Variants in AMER3 observed in about 807,000 individuals in gnomAD.
The protein encoded by AMER3 is APC membrane recruitment protein 3, also known as family with sequence similarity 123C.
For missense variants in AMER3, 1,201 were observed against 1,139.4 expected (o/e 1.05, Z -0.78); for synonymous variants, 541 against 485.5 (o/e 1.11, Z -1.50).
chr2:130,758,027 A>G (rs1347310672), intron 1 of AMER3, among the ~76,000 whole-genome samples: 1 of 152,112 alleles, frequency 6.6e-6, no homozygotes, highest in Non-Finnish European at 1.5e-5. Flanking sequence ...CCAGCTACTC[A>G]GGAGGCTGAG....
intron 1 of AMER3, among the ~76,000 whole-genome samples, chr2:130,757,203 G>A (rs2104771275): frequency 6.6e-6 from 1 of 152,296 alleles, no homozygotes; most frequent in African/African-American, 2.4e-5. Context: ...GAAAAAGCTG[G>A]GCAGCTAAGC....
Position 130,764,649 on chromosome 2 carries a change from C to G in AMER3, c.2577C>G (p.Pro859=). The G allele has an allele frequency of 6.2e-7, 1 of 1,603,762 alleles. No individual in the cohort carries two copies. The highest frequency in any genetic ancestry group is 8.5e-7 in the Non-Finnish European group (1 of 1,176,804). The change falls in exon 2 of 2, where the codon CCC becomes CCG. Residue 859 remains proline, a synonymous_variant. Transcript: ENST00000321420. ...VGASGPAMAE[P]HL is the part of the protein sequence containing the mutation. ...CCTCTGGGCCAGCCATGGCTGAGCC[C>G]CATCTGTAGGACAGGCTCACATGCA...
chr2:130,760,844 C>T (rs1678755288), intron 1 of AMER3, among the ~76,000 whole-genome samples: 1 of 152,148 alleles, frequency 6.6e-6, no homozygotes, highest in Non-Finnish European at 1.5e-5. Context: ...TTCACCTTGG[C>T]TCAGCTCCCT....
Position 130,765,842 on chromosome 2 carries a change from G to A in AMER3, c.*1184G>A, listed in dbSNP as rs149011844. On this transcript the variant is annotated 3_prime_UTR_variant, in exon 2 of 2. Coordinates refer to ENST00000321420, the MANE Select transcript of AMER3 (RefSeq NM_152698.3). The stretch of plus-strand genomic sequence containing the variant: ...ATTGAGGGTGGATCTTCCACACCTA[G>A]GCCCCTCAGATTCACACACTAATCT... 6.0e-3 allele frequency: 1,000 copies of A among 167,084 alleles called. 14 individuals carry two copies. The highest frequency in any genetic ancestry group is 0.023 in the African/African-American group (953 of 41,516). 10.4% of individuals were successfully genotyped at this position (167,084 alleles called of 1,614,324 possible). A position where few individuals can be genotyped will look rare whatever the true frequency, so the allele number is the denominator to read the frequency against.
intron 1 of AMER3, among the ~76,000 whole-genome samples, chr2:130,757,285 G>A (rs1678641484): frequency 6.6e-6 from 1 of 152,232 alleles, no homozygotes; most frequent in Admixed American, 6.5e-5. Flanking sequence ...ATCCATGTCT[G>A]TGTGTGCCGT....
At position 130,764,824 on chromosome 2, in the gene AMER3, T is replaced by C. The variant is rs1394238533; in HGVS notation, c.*166T>C. On this transcript the variant is annotated 3_prime_UTR_variant, in exon 2 of 2. Coordinates refer to ENST00000321420, the MANE Select transcript of AMER3 (RefSeq NM_152698.3). ...GTAGCATGTTCATGTGGAGGCATCC[T>C]TGCCTGAACCCACCAGCTCAGGCAG... is the stretch of plus-strand genomic sequence containing the variant. 1.1e-6 allele frequency: 1 copy of C among 897,772 alleles called. No individual in the cohort carries two copies. Among genetic ancestry groups the C allele is most frequent in the African/African-American group, 1.7e-5 (1 of 59,100 alleles). The allele number at this position is 897,772 out of a possible 1,614,324, so 55.6% of individuals were successfully genotyped here.
In AMER3 at chr2:130,763,951, TC is replaced by T; in HGVS notation, c.1881del (p.Gly628ValfsTer56). On this transcript the variant is annotated frameshift_variant, in exon 2 of 2. Transcript: ENST00000321420. LOFTEE classifies it low-confidence loss of function (END_TRUNC). The part of the protein sequence containing the change: ...ESAATSTTDT[S>X]GKNKAPVPST... Reference sequence around the variant, plus strand: ...TGCAGCCACTTCGACAACAGATACTTCCGGTAAAAATAAGGCCCCAGTTCCT... The same window carrying T: ...TGCAGCCACTTCGACAACAGATACTTCGGTAAAAATAAGGCCCCAGTTCCT... 3 of 1,613,698 alleles carry T rather than the reference TC, an allele frequency of 1.9e-6. No homozygotes were observed. The highest frequency in any genetic ancestry group is 2.5e-6 in the Non-Finnish European group (3 of 1,179,992).
chr2:130,764,489 A>G lies in AMER3; in HGVS notation c.2417A>G (p.Gln806Arg). Residue 806 changes from glutamine to arginine, a missense_variant, in exon 2 of 2, where the codon CAG becomes CGG. Coordinates refer to ENST00000321420, the MANE Select transcript of AMER3 (RefSeq NM_152698.3). ...RSAPAARWSSQGHHPESLGLT... is the reference protein window; with the variant it reads ...RSAPAARWSSRGHHPESLGLT... Reference sequence around the variant, plus strand: ...GCCCCTGCTGCCCGGTGGAGTTCCCAGGGCCACCATCCAGAAAGCCTGGGC... The same window carrying G: ...GCCCCTGCTGCCCGGTGGAGTTCCCGGGGCCACCATCCAGAAAGCCTGGGC... The G allele has an allele frequency of 1.3e-6, 2 of 1,599,342 alleles. No individual in the cohort carries two copies. Among genetic ancestry groups the G allele is most frequent in the South Asian group, 1.1e-5 (1 of 89,046 alleles).
chr2:130,761,095 C>T (rs1383297958), intron 1 of AMER3, among the ~76,000 whole-genome samples: 2 of 152,202 alleles, frequency 1.3e-5, no homozygotes, highest in East Asian at 1.9e-4. Context: ...CTGTCCTCCA[C>T]TCGGAGGTCA....
chr2:130,757,534 T>C (rs1237244442), intron 1 of AMER3, among the ~76,000 whole-genome samples: 1 of 152,188 alleles, frequency 6.6e-6, no homozygotes. Context: ...ACAGCCCATC[T>C]CCAGGCCTCA....
Position 130,764,039 on chromosome 2 carries a change from G to T in AMER3, c.1967G>T (p.Gly656Val). The change falls in exon 2 of 2, where the codon GGC (glycine) becomes GTC (valine). Residue 656 changes from glycine to valine, a missense_variant. By Grantham distance (109) the Gly-to-Val change is moderately radical. Coordinates refer to ENST00000321420, the MANE Select transcript of AMER3 (RefSeq NM_152698.3). ...CCAGGGGTCCTGGGGTGTTTCCGAGGCCCCTGGAGGCCAGGTCACGGAGGT... is the reference window on the plus strand; with the variant it reads ...CCAGGGGTCCTGGGGTGTTTCCGAGTCCCCTGGAGGCCAGGTCACGGAGGT... Reference protein sequence around the residue: ...GPPGVLGCFRGPWRPGHGGDT... With the variant: ...GPPGVLGCFRVPWRPGHGGDT... 1 of 1,612,796 alleles carries T rather than the reference G, an allele frequency of 6.2e-7. No individual in the cohort carries two copies. The highest frequency in any genetic ancestry group is 8.5e-7 in the Non-Finnish European group (1 of 1,179,690).
rs1678840631 is a variant in AMER3 at position 130,762,896 on chromosome 2, C to T, written c.824C>T (p.Ala275Val). The T allele has an allele frequency of 6.2e-7, 1 of 1,613,208 alleles. No individual in the cohort carries two copies. The highest frequency in any genetic ancestry group is 2.2e-5 in the East Asian group (1 of 44,854). Residue 275 changes from alanine (A) to valine (V), a missense_variant, in exon 2 of 2, where the codon GCT becomes GTT. By Grantham distance (64) the Ala-to-Val change is moderately conservative. Transcript: ENST00000321420. ...LNEGPESPTQAAQGLESKVPR... is the reference protein window; with the variant it reads ...LNEGPESPTQVAQGLESKVPR... ...GAGGGCCCGGAGAGCCCAACCCAGG[C>T]TGCTCAGGGCCTGGAGAGCAAGGTT...
At position 130,762,190 on chromosome 2, in the gene AMER3, C is replaced by A. The variant is rs764257062; in HGVS notation, c.118C>A (p.Leu40Ile). 1 of 1,594,886 alleles carries A rather than the reference C, an allele frequency of 6.3e-7. No homozygotes were observed. Among genetic ancestry groups the A allele is most frequent in the Admixed American group, 1.8e-5 (1 of 56,660 alleles). The change falls in exon 2 of 2, where the codon CTT becomes ATT. Residue 40 changes from leucine (L) to isoleucine (I), a missense_variant. By Grantham distance (5) the Leu-to-Ile change is conservative (BLOSUM62 2). Coordinates refer to ENST00000321420, the MANE Select transcript of AMER3 (RefSeq NM_152698.3). Reference sequence around the variant, plus strand: ...GGAGGGGACAGGCCCCTGGTCAGTCCTTCCAGGAGGGCAACAGAGGCCCCA... The same window carrying A: ...GGAGGGGACAGGCCCCTGGTCAGTCATTCCAGGAGGGCAACAGAGGCCCCA... Reference protein sequence around the residue: ...AREGTGPWSVLPGGQQRPHSE... With the variant: ...AREGTGPWSVIPGGQQRPHSE...
At position 130,763,087 on chromosome 2, in the gene AMER3, C is replaced by G. The variant is rs775251651; in HGVS notation, c.1015C>G (p.Gln339Glu). 6.2e-6 allele frequency: 10 copies of G among 1,613,284 alleles called. No individual in the cohort carries two copies. In the South Asian group the frequency reaches 1.1e-4, roughly 18 times the overall value. Residue 339 changes from glutamine to glutamate, a missense_variant, in exon 2 of 2, where the codon CAA becomes GAA. Physicochemically the swap from Gln to Glu is conservative, Grantham distance 29. Transcript: ENST00000321420. Reference protein sequence around the residue: ...LSGPQGTDRDQSRLDTAGLAE... With the variant: ...LSGPQGTDRDESRLDTAGLAE... Reference sequence around the variant, plus strand: ...AGGCCCCCAGGGGACAGACAGGGACCAATCCCGGCTGGACACAGCTGGGCT... The same window carrying G: ...AGGCCCCCAGGGGACAGACAGGGACGAATCCCGGCTGGACACAGCTGGGCT...
intron 1 of AMER3, among the ~76,000 whole-genome samples, chr2:130,758,280 C>T (rs2104773106): frequency 6.6e-6 from 1 of 151,546 alleles, no homozygotes; most frequent in East Asian, 1.9e-4. Context: ...AGGGGAATCG[C>T]TTGAACCCAG....
chr2:130,762,320 G>T lies in AMER3; in HGVS notation c.248G>T (p.Gly83Val). ...DPKGGPAALC[G>V]ATFKPVRKCK... ...AAAGGGGGACCCGCAGCCCTCTGTG[G>T]AGCCACCTTCAAACCGGTGCGAAAG... Residue 83 changes from glycine (G) to valine (V), a missense_variant, in exon 2 of 2, where the codon GGA becomes GTA. Coordinates refer to ENST00000321420, the MANE Select transcript of AMER3 (RefSeq NM_152698.3). The T allele has an allele frequency of 6.2e-7, 1 of 1,608,606 alleles. No individual in the cohort carries two copies.
chr2:130,756,036 G>C (rs1204426052), intron 1 of AMER3, among the ~76,000 whole-genome samples: 3 of 152,074 alleles, frequency 2.0e-5, no homozygotes, highest in Admixed American at 6.5e-5. Context: ...AAACAGAGAC[G>C]GGGCGATACG....
Position 130,763,105 on chromosome 2 carries a change from G to T in AMER3, c.1033G>T (p.Ala345Ser), listed in dbSNP as rs200166860. 2.2e-4 allele frequency: 350 copies of T among 1,613,160 alleles called. No individual in the cohort carries two copies. The Middle Eastern group carries it at 4.0e-3, about 18-fold the overall frequency. Residue 345 changes from alanine to serine, a missense_variant, in exon 2 of 2, where the codon GCT becomes TCT. Coordinates refer to ENST00000321420, the MANE Select transcript of AMER3 (RefSeq NM_152698.3). ...CAGGGACCAATCCCGGCTGGACACA[G>T]CTGGGCTCGCTGAGCTGCCCCTCTG... ...TDRDQSRLDTAGLAELPLCPC... is the reference protein window; with the variant it reads ...TDRDQSRLDTSGLAELPLCPC...
At chr2:130,755,818 A>T (rs1317667997) in intron 1 of AMER3, 144 bp downstream of exon 1, 1 of 152,154 alleles carries the variant, frequency 6.6e-6, no homozygotes, top group East Asian at 1.9e-4. Flanking sequence ...AAGACTCGTG[A>T]CGAGGCTCCG....
Sources: gnomAD v4.1 joint callset for allele counts (sites outside exome capture counted in the v4.1 genomes callset) on GRCh38, gnomAD v4.1.1 for gene constraint, MANE v1.5 for transcripts, NCBI Gene and HGNC (gene_info 2026-07-23, HGNC 2026-07-21) for gene names.